CTNNA2: variants seen among roughly 807,000 people sequenced by gnomAD.
CTNNA2 encodes catenin alpha-2.
Under a neutral mutation model 101.0 loss-of-function variants are expected in CTNNA2, and 42 were observed. The ratio of observed to expected loss-of-function variants is 0.42; its 90% CI spans 0.32 to 0.54. CTNNA2 has a LOEUF of 0.54. Ranked by LOEUF, CTNNA2 falls within the 20% of genes least tolerant of loss-of-function variation. The probability of loss-of-function intolerance (pLI) is 0.14; values close to 1 mark genes in which losing one functional copy is unlikely to be tolerated. For missense variants in CTNNA2, 871 were observed against 1,223.1 expected (o/e 0.71, Z 4.29); for synonymous variants, 450 against 456.4 (o/e 0.99, Z 0.18).
chr2:79,191,553 T>C (rs1673870563), intron 1 of CTNNA2, among the ~76,000 whole-genome samples: 1 of 152,116 alleles, frequency 6.6e-6, no homozygotes, highest in African/African-American at 2.4e-5. Context: ...AACCATATAC[T>C]GAGAGATGGA....
chr2:79,611,950 T>A (rs1353016417), intron 1 of CTNNA2, among the ~76,000 whole-genome samples: 1 of 152,086 alleles, frequency 6.6e-6, no homozygotes, highest in Non-Finnish European at 1.5e-5. Flanking sequence ...CTGTTACCTT[T>A]CTCCCATCTA....
chr2:80,331,590 A>G (rs377569328), intron 7 of CTNNA2, among the ~76,000 whole-genome samples: 1 of 152,140 alleles, frequency 6.6e-6, no homozygotes, highest in Non-Finnish European at 1.5e-5. Context: ...CATGATGCCC[A>G]CTATGCTCAC....
intron 7 of CTNNA2, among the ~76,000 whole-genome samples, chr2:80,174,441 C>A (rs899442866): frequency 6.6e-6 from 1 of 152,152 alleles, no homozygotes; most frequent in Non-Finnish European, 1.5e-5. Flanking sequence ...GGGCTACCTT[C>A]CTTGGGCTGT....
intron 1 of CTNNA2, among the ~76,000 whole-genome samples, chr2:79,551,050 T>A (rs181660550): frequency 3.2e-4 from 49 of 152,260 alleles, no homozygotes; most frequent in African/African-American, 1.1e-3. Flanking sequence ...TGAGAAAAAA[T>A]TTGCAGCTTG....
chr2:80,618,903 GC>G (rs1244108628), intron 17 of CTNNA2, 181 bp from the exon 18 acceptor site: 1 of 403,432 alleles, frequency 2.5e-6, no homozygotes, highest in Admixed American at 4.2e-5. Context: ...TGGCCAGGCC[GC>G]TTAATGTCAA....
chr2:79,759,255 C>T (rs553077325), intron 3 of CTNNA2, among the ~76,000 whole-genome samples: 7 of 151,906 alleles, frequency 4.6e-5, no homozygotes, highest in South Asian at 2.1e-4. Flanking sequence ...TAGCCAGGCA[C>T]GATGATGCGC....
intron 2 of CTNNA2, among the ~76,000 whole-genome samples, chr2:79,212,571 T>A (rs1245031215): frequency 6.6e-6 from 1 of 152,202 alleles, no homozygotes; most frequent in South Asian, 2.1e-4. Flanking sequence ...AAGGTTTCAC[T>A]GAATACTAAG....
At chr2:79,866,820 A>G (rs1412573252) in intron 4 of CTNNA2, among the ~76,000 whole-genome samples, 1 of 151,738 alleles carries the variant, frequency 6.6e-6, no homozygotes, top group African/African-American at 2.4e-5. Flanking sequence ...GATATTTTGC[A>G]TTTCTTATCT....
chr2:79,557,669 T>C (rs1188149284), intron 1 of CTNNA2, among the ~76,000 whole-genome samples: 1 of 151,962 alleles, frequency 6.6e-6, no homozygotes, highest in Non-Finnish European at 1.5e-5. Context: ...TTCAAAATGA[T>C]GACTCTGCTT....
At chr2:79,951,106 A>G (rs1005303172) in intron 7 of CTNNA2, among the ~76,000 whole-genome samples, 2 of 152,234 alleles carry the variant, frequency 1.3e-5, no homozygotes, top group African/African-American at 2.4e-5. Context: ...TGATTTAATT[A>G]ATGGAAATAT....
At chr2:79,778,216 C>T (rs1350618932) in intron 3 of CTNNA2, among the ~76,000 whole-genome samples, 1 of 151,170 alleles carries the variant, frequency 6.6e-6, no homozygotes, top group East Asian at 2.0e-4. Flanking sequence ...TATGGTGGCA[C>T]ATGCCTCCAG....
chr2:79,823,047 C>G (rs1009255238), intron 3 of CTNNA2, among the ~76,000 whole-genome samples: 10 of 152,138 alleles, frequency 6.6e-5, no homozygotes, highest in Admixed American at 1.3e-4. Flanking sequence ...AATGTCCTTT[C>G]CACAGGGAAG....
intron 9 of CTNNA2, among the ~76,000 whole-genome samples, chr2:80,480,431 G>A (rs967514258): frequency 5.9e-5 from 9 of 152,060 alleles, no homozygotes; most frequent in Non-Finnish European, 1.2e-4. Context: ...TAATATTCCT[G>A]TAAGAGTTTC....
At chr2:80,306,092 G>C (rs144383495) in intron 7 of CTNNA2, among the ~76,000 whole-genome samples, 12 of 152,292 alleles carry the variant, frequency 7.9e-5, no homozygotes, top group Admixed American at 4.6e-4. Flanking sequence ...CCAAAGACTG[G>C]TGGTACTTTT....
In CTNNA2 at chr2:79,581,839, TG is replaced by T. The variant is rs1266934756; in HGVS notation, c.-6+68633del. Among the ~76,000 whole-genome samples the T allele has an allele frequency of 1.6e-4, 25 of 152,354 alleles. No homozygotes were observed. In the East Asian group the frequency reaches 4.8e-3, roughly 29 times the overall value. On this transcript the variant is annotated intron_variant, in intron 1 of 18. Coordinates refer to ENST00000402739, the MANE Select transcript of CTNNA2 (RefSeq NM_001282597.3). ...TAAATGTTTTAAATTCTAAATGTTA[TG>T]CTAACTTTCACATTTTGTTTCTTTC... is the stretch of plus-strand genomic sequence containing the variant.
At chr2:79,837,123 A>T (rs1266987051) in intron 3 of CTNNA2, among the ~76,000 whole-genome samples, 1 of 152,198 alleles carries the variant, frequency 6.6e-6, no homozygotes, top group African/African-American at 2.4e-5. Context: ...AATGGAATAT[A>T]TATGTATGTG....
At chr2:79,771,917 C>A (rs1673614561) in intron 3 of CTNNA2, among the ~76,000 whole-genome samples, 1 of 152,086 alleles carries the variant, frequency 6.6e-6, no homozygotes, top group African/African-American at 2.4e-5. Context: ...ATGATCACAG[C>A]CTTATAAAAA....
At position 80,552,365 on chromosome 2, in the gene CTNNA2, A is replaced by G. The variant is rs1449368369; in HGVS notation, c.1541-3328A>G. On this transcript the variant is annotated intron_variant, in intron 11 of 18. Coordinates refer to ENST00000402739, the MANE Select transcript of CTNNA2 (RefSeq NM_001282597.3). ...AAAACCCACCAATCTGTGATACACA[A>G]TAAAACAAGACATGCCTGTAGATTG... Among the ~76,000 whole-genome samples the G allele has an allele frequency of 2.6e-5, 4 of 152,344 alleles. No individual in the cohort carries two copies. In the East Asian group the frequency reaches 5.8e-4, roughly 22 times the overall value.
At chr2:80,546,454 TAA>T (rs1021928891) in intron 11 of CTNNA2, among the ~76,000 whole-genome samples, 2 of 152,228 alleles carry the variant, frequency 1.3e-5, no homozygotes, top group African/African-American at 2.4e-5. Flanking sequence ...TTGGCTATGT[TAA>T]GTTTTGTTTT....
Sources: allele counts gnomAD v4.1 joint callset (sites outside exome capture counted in the v4.1 genomes callset), GRCh38; gene constraint gnomAD v4.1.1; transcripts MANE v1.5; gene names NCBI Gene and HGNC (gene_info 2026-07-23, HGNC 2026-07-21).